LPAR1: variants seen among roughly 807,000 people sequenced by gnomAD.
LPAR1 encodes the protein LPA receptor 1.
LPAR1 carries 5 observed loss-of-function variants against 23.8 expected under a neutral mutation model. The ratio of observed to expected loss-of-function variants is 0.21; its 90% CI spans 0.11 to 0.44. The LOEUF is 0.44. Among genes scored for constraint, LPAR1 ranks in the 20% least tolerant of loss-of-function variants. The pLI, the probability that LPAR1 is intolerant of heterozygous loss-of-function variation, is 0.99. For missense variants in LPAR1, 311 were observed against 482.8 expected (o/e 0.64, Z 3.33); for synonymous variants, 160 against 164.7 (o/e 0.97, Z 0.22).
chr9:110,960,630 T>G (rs996609149), intron 4 of LPAR1, among the ~76,000 whole-genome samples: 2 of 152,226 alleles, frequency 1.3e-5, no homozygotes, highest in Non-Finnish European at 2.9e-5. Context: ...CATTTCATTT[T>G]GCTTAATTTT....
intron 2 of LPAR1, among the ~76,000 whole-genome samples, chr9:111,004,366 C>A (rs2097177658): frequency 6.6e-6 from 1 of 152,112 alleles, no homozygotes; most frequent in South Asian, 2.1e-4. Context: ...CCCTTGACCC[C>A]AACTTCTTCC....
At chr9:110,991,574 TTTGTTTTGTTGTTGTTGTTGTTG>T (rs1479914419) in intron 2 of LPAR1, among the ~76,000 whole-genome samples, 15 of 83,198 alleles carry the variant, frequency 1.8e-4, no homozygotes, top group African/African-American at 3.0e-4. Context: ...ATCTTTCTGG[TTTGTTTTGTTGTTGTTGTTGTTG>T]TTGTTGTTGT....
rs149193268 is a variant in LPAR1, at chr9:111,005,830, G to A, written c.-182+30292C>T. Among the ~76,000 whole-genome samples, 371 of 152,218 alleles carry A rather than the reference G, an allele frequency of 2.4e-3. 4 individuals carry two copies. Among genetic ancestry groups the A allele is most frequent in the South Asian group, 0.011 (53 of 4,818 alleles). On this transcript the variant is annotated intron_variant, in intron 2 of 5. Transcript: ENST00000683809. Reference sequence around the variant, plus strand: ...TTCAATCTTCCAATGTCCAGCTGATGTCTCAGGAGTCTCCTTAATCACTGC... The same window carrying A: ...TTCAATCTTCCAATGTCCAGCTGATATCTCAGGAGTCTCCTTAATCACTGC...
At chr9:110,883,714 A>G (rs1447668632) in intron 5 of LPAR1, among the ~76,000 whole-genome samples, 3 of 152,186 alleles carry the variant, frequency 2.0e-5, no homozygotes, top group African/African-American at 7.2e-5. Context: ...TGTTACAGAT[A>G]AGAAACACAC....
chr9:110,989,644 A>G (rs1352047721), intron 2 of LPAR1, among the ~76,000 whole-genome samples: 1 of 152,186 alleles, frequency 6.6e-6, no homozygotes, highest in Non-Finnish European at 1.5e-5. Context: ...CAACAAGAAG[A>G]TAAAATGAAA....
chr9:110,950,959 G>A (rs1275116904), intron 4 of LPAR1, among the ~76,000 whole-genome samples: 1 of 152,064 alleles, frequency 6.6e-6, no homozygotes, highest in Admixed American at 6.5e-5. Context: ...ATGCGTTATT[G>A]AATACTACAT....
chr9:111,003,985 T>C (rs142218709), intron 2 of LPAR1, among the ~76,000 whole-genome samples: 1 of 152,316 alleles, frequency 6.6e-6, no homozygotes, highest in African/African-American at 2.4e-5. Context: ...CAAAGTCACA[T>C]TAACTATTTC....
intron 5 of LPAR1, among the ~76,000 whole-genome samples, chr9:110,919,645 C>A (rs2093471689): frequency 6.6e-6 from 1 of 152,196 alleles, no homozygotes; most frequent in South Asian, 2.1e-4. Flanking sequence ...CTTAACTTCT[C>A]ACATCACTTA....
chr9:110,996,148 G>A (rs1194776055), intron 2 of LPAR1, among the ~76,000 whole-genome samples: 2 of 152,172 alleles, frequency 1.3e-5, no homozygotes, highest in Non-Finnish European at 2.9e-5. Context: ...GAAAAACACA[G>A]TGGGATAGTC....
At chr9:110,944,580 C>T (rs985213591) in intron 4 of LPAR1, among the ~76,000 whole-genome samples, 3 of 152,102 alleles carry the variant, frequency 2.0e-5, no homozygotes, top group African/African-American at 7.2e-5. Flanking sequence ...CTTCTGAACA[C>T]CAAGTAGCAA....
chr9:110,943,598 A>T (rs2095257819), intron 4 of LPAR1, among the ~76,000 whole-genome samples: 3 of 152,136 alleles, frequency 2.0e-5, no homozygotes, highest in Non-Finnish European at 4.4e-5. Flanking sequence ...AGTGGCTCAC[A>T]TCTGTAATCC....
At chr9:110,934,423 G>A (rs2094568398) in intron 5 of LPAR1, 1 of 152,110 alleles carries the variant, frequency 6.6e-6, no homozygotes, top group African/African-American at 2.4e-5. Context: ...CTGAGTGCAG[G>A]GACGTGTACA....
intron 5 of LPAR1, among the ~76,000 whole-genome samples, chr9:110,877,680 G>A (rs1247138927): frequency 6.6e-6 from 1 of 152,170 alleles, no homozygotes; most frequent in African/African-American, 2.4e-5. Flanking sequence ...GTCCCTTCAT[G>A]AATGGAACAG....
chr9:111,027,409 G>T (rs1425551609), intron 2 of LPAR1, among the ~76,000 whole-genome samples: 1 of 152,178 alleles, frequency 6.6e-6, no homozygotes, highest in Non-Finnish European at 1.5e-5. Flanking sequence ...GCTGAAGCAA[G>T]AGGATGGTTT....
chr9:110,912,496 T>C (rs1159897409), intron 5 of LPAR1, among the ~76,000 whole-genome samples: 2 of 152,164 alleles, frequency 1.3e-5, no homozygotes, highest in African/African-American at 4.8e-5. Context: ...TTTTTTCTTC[T>C]AAAAGCAAAG....
intron 5 of LPAR1, among the ~76,000 whole-genome samples, chr9:110,892,822 A>AGGC (rs1564386259): frequency 0.012 from 992 of 86,238 alleles, 18 homozygotes; most frequent in African/African-American, 0.053. Context: ...GGAAGGAAGG[A>AGGC]AGGAAGGCAG....
chr9:110,907,769 T>G (rs1307613902), intron 5 of LPAR1, among the ~76,000 whole-genome samples: 2 of 152,168 alleles, frequency 1.3e-5, no homozygotes, highest in African/African-American at 4.8e-5. Flanking sequence ...TTAATAATAA[T>G]GCACAGATTA....
intron 2 of LPAR1, among the ~76,000 whole-genome samples, chr9:110,977,594 G>A (rs1230785083): frequency 6.6e-6 from 1 of 151,998 alleles, no homozygotes; most frequent in East Asian, 1.9e-4. Flanking sequence ...CCTTTGTCTG[G>A]ACTTGAGTCA....
intron 5 of LPAR1, among the ~76,000 whole-genome samples, chr9:110,930,855 C>A (rs565921512): frequency 6.6e-6 from 1 of 151,872 alleles, no homozygotes; most frequent in African/African-American, 2.4e-5. Flanking sequence ...GCAGATGTTG[C>A]GGTGAACCGA....
Sources: allele counts gnomAD v4.1 joint callset (sites outside exome capture counted in the v4.1 genomes callset), GRCh38; gene constraint gnomAD v4.1.1; transcripts MANE v1.5; gene names NCBI Gene and HGNC (gene_info 2026-07-23, HGNC 2026-07-21).